The following PFKP variants were observed in gnomAD, a reference collection of about 807,000 sequenced individuals.
PFKP encodes the protein ATP-dependent 6-phosphofructokinase, platelet type.
Under a neutral mutation model 94.3 loss-of-function variants are expected in PFKP, and 101 were observed. The ratio of observed to expected loss-of-function variants is 1.07; its 90% CI spans 0.91 to 1.26. The LOEUF (loss-of-function observed/expected upper bound fraction) is 1.26, where lower values mean the gene tolerates loss of function less well. Ranked by LOEUF, PFKP falls within the 50% of genes most tolerant of loss-of-function variation. The pLI is 0.00. For missense variants in PFKP, 1,145 were observed against 1,103.3 expected, an observed-to-expected ratio of 1.04 and a Z score of -0.53; for synonymous variants, 573 against 432.6, an observed-to-expected ratio of 1.32 and a Z score of -4.03.
At chr10:3,121,873 A>G (rs1301649955) in intron 16 of PFKP, among the ~76,000 whole-genome samples, 1 of 126,802 alleles carries the variant, frequency 7.9e-6, no homozygotes, top group Non-Finnish European at 1.6e-5. Flanking sequence ...CCAGGCTGGA[A>G]TGCAGTGCTG....
intron 18 of PFKP, among the ~76,000 whole-genome samples, chr10:3,132,972 ATATT>A (rs1343015038): frequency 1.1e-4 from 17 of 152,324 alleles, no homozygotes; most frequent in Admixed American, 2.6e-4. Context: ...TAAAACTTAC[ATATT>A]TATTTCTGGA....
At chr10:3,115,865 G>GA (rs1732957799) in intron 13 of PFKP, among the ~76,000 whole-genome samples, 1 of 152,068 alleles carries the variant, frequency 6.6e-6, no homozygotes, top group Non-Finnish European at 1.5e-5. Context: ...GTGGGGTGGA[G>GA]ATGCCCTGTG....
intron 6 of PFKP, 37 bp downstream of exon 6, chr10:3,105,196 G>C (rs200894832): frequency 1.3e-6 from 2 of 1,593,502 alleles, no homozygotes; most frequent in East Asian, 4.5e-5. Context: ...ACGCGGTTCA[G>C]GTGGGGGACC....
chr10:3,089,993 G>A (rs530966944), intron 2 of PFKP, among the ~76,000 whole-genome samples: 4 of 152,182 alleles, frequency 2.6e-5, no homozygotes, highest in South Asian at 2.1e-4. Context: ...GTAAGAGATT[G>A]CAGTATTTGT....
intron 16 of PFKP, among the ~76,000 whole-genome samples, 199 bp downstream of exon 16, chr10:3,120,243 C>T (rs567736088): frequency 6.6e-6 from 1 of 152,282 alleles, no homozygotes; most frequent in South Asian, 2.1e-4. Flanking sequence ...GTTTTACCAC[C>T]TCTTCTTCTG....
chr10:3,079,481 A>G (rs1167446853), intron 1 of PFKP, among the ~76,000 whole-genome samples: 8 of 151,836 alleles, frequency 5.3e-5, no homozygotes, highest in Non-Finnish European at 1.0e-4. Flanking sequence ...TGATCTGCCC[A>G]CCTAGGCCTC....
intron 2 of PFKP, among the ~76,000 whole-genome samples, chr10:3,092,634 C>A (rs1834131495): frequency 6.6e-6 from 1 of 152,188 alleles, no homozygotes; most frequent in South Asian, 2.1e-4. Flanking sequence ...CAGATACTCA[C>A]ATGTACCCCA....
At chr10:3,132,490 G>C in intron 18 of PFKP, 49 bp downstream of exon 18, 2 of 1,308,250 alleles carry the variant, frequency 1.5e-6, no homozygotes, top group East Asian at 2.3e-5. Flanking sequence ...GCCACACCCT[G>C]GTTCTTAGAT....
At chr10:3,095,006 A>G (rs904691429) in intron 2 of PFKP, among the ~76,000 whole-genome samples, 4 of 152,222 alleles carry the variant, frequency 2.6e-5, no homozygotes, top group Non-Finnish European at 5.9e-5. Context: ...TGTTATCTCT[A>G]GGAGCTTGTT....
At chr10:3,123,603 C>T (rs1468856286) in intron 16 of PFKP, among the ~76,000 whole-genome samples, 2 of 152,224 alleles carry the variant, frequency 1.3e-5, no homozygotes, top group Non-Finnish European at 2.9e-5. Flanking sequence ...GAGCGCTTCT[C>T]GGAGAAACAG....
chr10:3,076,560 C>T (rs1248126596), intron 1 of PFKP, among the ~76,000 whole-genome samples: 1 of 152,134 alleles, frequency 6.6e-6, no homozygotes, highest in Non-Finnish European at 1.5e-5. Context: ...CCCCCCACCC[C>T]GCTTGTTATT....
At chr10:3,108,265 C>G (rs974569595) in intron 8 of PFKP, among the ~76,000 whole-genome samples, 2 of 152,176 alleles carry the variant, frequency 1.3e-5, no homozygotes, top group Non-Finnish European at 2.9e-5. Context: ...GCCGGTGTGC[C>G]CATGGGCTGG....
At chr10:3,103,987 A>G (rs1292675403) in intron 5 of PFKP, 43 bp downstream of exon 5, 1 of 1,589,318 alleles carries the variant, frequency 6.3e-7, no homozygotes, top group South Asian at 1.1e-5. Flanking sequence ...GTGGGGCCCG[A>G]CGTGTGCCCA....
intron 1 of PFKP, among the ~76,000 whole-genome samples, chr10:3,081,856 GTTC>G (rs1420817432): frequency 6.6e-6 from 1 of 150,954 alleles, no homozygotes; most frequent in East Asian, 1.9e-4. Flanking sequence ...GTATAACACT[GTTC>G]TTCTCAAGGG....
intron 2 of PFKP, among the ~76,000 whole-genome samples, chr10:3,086,739 G>A (rs1047038931): frequency 3.9e-5 from 6 of 152,150 alleles, no homozygotes; most frequent in African/African-American, 1.4e-4. Context: ...CCTAATCTTG[G>A]ATGCAGTCCC....
chr10:3,099,285 G>T lies in PFKP; in HGVS notation c.197G>T (p.Gly66Val), dbSNP rs764111353. 1.2e-6 allele frequency: 2 copies of T among 1,613,622 alleles called. No individual in the cohort carries two copies. Among genetic ancestry groups the T allele is most frequent in the Non-Finnish European group, 8.5e-7 (1 of 1,179,518 alleles). Residue 66 changes from glycine (G) to valine (V), a missense_variant, in exon 3 of 22, where the codon GGC (glycine) becomes GTC (valine). By Grantham distance (109) the Gly-to-Val change is moderately radical. This residue lies in a region of PFKP where 1,119 missense variants were observed against 1,062.8 expected (regional missense o/e 1.05). Coordinates refer to ENST00000381125, the MANE Select transcript of PFKP (RefSeq NM_002627.5). Reference sequence around the variant, plus strand: ...CCCTTTCTCCCCTAGGGCTACCAGGGCATGGTGGACGGAGGCTCAAACATC... The same window carrying T: ...CCCTTTCTCCCCTAGGGCTACCAGGTCATGGTGGACGGAGGCTCAAACATC... ...KVYFIYEGYQ[G>V]MVDGGSNIAE... is the part of the protein sequence containing the mutation.
intron 1 of PFKP, chr10:3,069,380 A>C (rs1278791098): frequency 6.3e-7 from 1 of 1,589,782 alleles, no homozygotes; most frequent in Admixed American, 1.8e-5. Flanking sequence ...ACCGGCCCGG[A>C]GATGTGCGGG....
intron 16 of PFKP, among the ~76,000 whole-genome samples, chr10:3,122,969 G>C (rs747780420): frequency 6.6e-6 from 1 of 152,206 alleles, no homozygotes; most frequent in Non-Finnish European, 1.5e-5. Context: ...TCGCCGTGTT[G>C]TGCTTCGGAA....
intron 2 of PFKP, among the ~76,000 whole-genome samples, chr10:3,084,245 G>T (rs1053968418): frequency 6.6e-6 from 1 of 152,162 alleles, no homozygotes; most frequent in African/African-American, 2.4e-5. Flanking sequence ...CCAGCCCCGC[G>T]CAGGGAAGGC....
Sources: gnomAD v4.1 joint callset for allele counts (sites outside exome capture counted in the v4.1 genomes callset) on GRCh38, gnomAD v4.1.1 for gene constraint, gnomAD v4.1.1 regional missense constraint, MANE v1.5 for transcripts, NCBI Gene and HGNC (gene_info 2026-07-23, HGNC 2026-07-21) for gene names.